COMMD10: variants seen among roughly 807,000 people sequenced by gnomAD.
COMMD10 encodes the protein COMM domain containing 10.
COMMD10 carries 33 observed loss-of-function variants against 28.9 expected under a neutral mutation model. That is an observed-to-expected ratio of 1.14 (90% CI 0.87 to 1.53). The LOEUF is 1.53. COMMD10 is among the 40% of genes most tolerant of loss of function. COMMD10 has a pLI of 0.00. For missense variants in COMMD10, 310 were observed against 233.4 expected (o/e 1.33, Z -2.14); for synonymous variants, 110 against 81.7 (o/e 1.35, Z -1.87).
chr5:116,235,196 A>G (rs542778987), intron 5 of COMMD10, among the ~76,000 whole-genome samples: 77 of 152,294 alleles, frequency 5.1e-4, no homozygotes, highest in African/African-American at 1.8e-3. Context: ...GCTAATAAGA[A>G]GCTCTCAGTC....
intron 4 of COMMD10, among the ~76,000 whole-genome samples, chr5:116,116,618 A>T (rs946317531): frequency 2.0e-5 from 3 of 152,036 alleles, no homozygotes; most frequent in Non-Finnish European, 2.9e-5. Flanking sequence ...GCTTAAATTC[A>T]CTGACTATAC....
chr5:116,280,307 A>T (rs1457717858), intron 5 of COMMD10, among the ~76,000 whole-genome samples: 2 of 151,608 alleles, frequency 1.3e-5, no homozygotes, highest in Non-Finnish European at 2.9e-5. Flanking sequence ...TTATTCATTC[A>T]CTCTGCCTAG....
At chr5:116,182,493 A>G (rs745439511) in intron 5 of COMMD10, among the ~76,000 whole-genome samples, 2 of 152,090 alleles carry the variant, frequency 1.3e-5, no homozygotes, top group East Asian at 1.9e-4. Context: ...AAATTGATAC[A>G]TTAAAGTGAG....
chr5:116,270,410 T>C (rs1750722499), intron 5 of COMMD10, among the ~76,000 whole-genome samples: 1 of 151,882 alleles, frequency 6.6e-6, no homozygotes. Context: ...ACTTTACAGT[T>C]GGTTGTGGAG....
intron 5 of COMMD10, among the ~76,000 whole-genome samples, chr5:116,251,487 T>C (rs1269018365): frequency 4.4e-5 from 6 of 136,270 alleles, no homozygotes; most frequent in Non-Finnish European, 7.8e-5. Flanking sequence ...GTTCCCCTTC[T>C]TGTGTCCATG....
intron 5 of COMMD10, among the ~76,000 whole-genome samples, chr5:116,254,961 G>C (rs1220005207): frequency 1.3e-5 from 2 of 151,464 alleles, no homozygotes; most frequent in Admixed American, 6.6e-5. Context: ...CTCAGGACTT[G>C]CTTTATGAAT....
chr5:116,127,828 T>G (rs1190748287), intron 4 of COMMD10, among the ~76,000 whole-genome samples: 1 of 152,050 alleles, frequency 6.6e-6, no homozygotes, highest in Non-Finnish European at 1.5e-5. Flanking sequence ...CTAGTGTAAA[T>G]GACATGTTAA....
chr5:116,154,546 T>G (rs529622543), intron 5 of COMMD10, among the ~76,000 whole-genome samples: 1 of 152,234 alleles, frequency 6.6e-6, no homozygotes, highest in South Asian at 2.1e-4. Context: ...GAAGTTTGGT[T>G]TACTAGTAGT....
At chr5:116,177,682 A>C (rs148723711) in intron 5 of COMMD10, among the ~76,000 whole-genome samples, 1 of 152,064 alleles carries the variant, frequency 6.6e-6, no homozygotes, top group African/African-American at 2.4e-5. Flanking sequence ...TCTCCTTTGC[A>C]TATTTTGTCC....
chr5:116,254,420 C>G (rs1208584144), intron 5 of COMMD10, among the ~76,000 whole-genome samples: 6 of 150,986 alleles, frequency 4.0e-5, no homozygotes, highest in Admixed American at 3.3e-4. Context: ...TTCCTGCTTT[C>G]TCTTGTGGGC....
chr5:116,244,940 A>G (rs886991963), intron 5 of COMMD10, among the ~76,000 whole-genome samples: 3 of 152,056 alleles, frequency 2.0e-5, no homozygotes, highest in Admixed American at 6.6e-5. Context: ...AACCAAGAGC[A>G]AACAAATCCC....
intron 5 of COMMD10, among the ~76,000 whole-genome samples, chr5:116,249,395 A>T (rs983835800): frequency 6.6e-6 from 1 of 151,960 alleles, no homozygotes; most frequent in Non-Finnish European, 1.5e-5. Context: ...ATTTGTTTCA[A>T]TGAAAGATTT....
chr5:116,217,286 A>G (rs1407591313), intron 5 of COMMD10, among the ~76,000 whole-genome samples: 1 of 152,088 alleles, frequency 6.6e-6, no homozygotes, highest in African/African-American at 2.4e-5. Flanking sequence ...ATGGGCAGAC[A>G]GTCATTAACA....
At chr5:116,148,727 A>G (rs2112548060) in intron 5 of COMMD10, among the ~76,000 whole-genome samples, 1 of 152,016 alleles carries the variant, frequency 6.6e-6, no homozygotes, top group East Asian at 1.9e-4. Flanking sequence ...GAACTTCATT[A>G]AAATTGAAAA....
intron 4 of COMMD10, among the ~76,000 whole-genome samples, chr5:116,105,199 T>A (rs1307234366): frequency 6.6e-6 from 1 of 152,236 alleles, no homozygotes; most frequent in South Asian, 2.1e-4. Flanking sequence ...AGGTCTTTTC[T>A]GCATCTGTTG....
chr5:116,270,494 A>G (rs1271864727), intron 5 of COMMD10, among the ~76,000 whole-genome samples: 1 of 151,974 alleles, frequency 6.6e-6, no homozygotes, highest in African/African-American at 2.4e-5. Flanking sequence ...AGAACGGTCT[A>G]GAGAATGGAG....
chr5:116,116,047 A>G lies in COMMD10; in HGVS notation c.400-18021A>G, dbSNP rs186206240. 1.6e-3 allele frequency among the ~76,000 whole-genome samples: 237 copies of G among 152,278 alleles called. 1 individual carries two copies. Among genetic ancestry groups the G allele is most frequent in the African/African-American group, 5.3e-3 (220 of 41,588 alleles). ...GAATGTTCTTTATTTCGCCAAGTAC[A>G]TGGCAGATTTTCCATAATATAAACT... On this transcript the variant is annotated intron_variant, in intron 4 of 6. Transcript: ENST00000274458.
intron 5 of COMMD10, among the ~76,000 whole-genome samples, chr5:116,229,726 G>A (rs573883596): frequency 2.0e-5 from 3 of 151,972 alleles, no homozygotes; most frequent in Admixed American, 6.6e-5. Flanking sequence ...CAGAATACAA[G>A]CACAATTTAT....
intron 5 of COMMD10, among the ~76,000 whole-genome samples, chr5:116,198,161 T>G (rs1479884929): frequency 4.6e-5 from 7 of 152,182 alleles, no homozygotes; most frequent in African/African-American, 1.7e-4. Flanking sequence ...TTAATATTAG[T>G]TACAGCTGAA....
Sources: gnomAD v4.1 joint callset for allele counts (sites outside exome capture counted in the v4.1 genomes callset) on GRCh38, gnomAD v4.1.1 for gene constraint, MANE v1.5 for transcripts, NCBI Gene and HGNC (gene_info 2026-07-23, HGNC 2026-07-21) for gene names.